Variants in EXT1 observed in about 807,000 individuals in gnomAD.
The protein encoded by EXT1 is exostosin glycosyltransferase 1.
In EXT1, 20 loss-of-function variants were observed where a neutral mutation model predicts 82.5. The observed-to-expected ratio is 0.24, with a 90% CI of 0.17 to 0.35. EXT1 has a LOEUF of 0.35. Among genes scored for constraint, EXT1 ranks in the 10% least tolerant of loss-of-function variants. The pLI is 1.00. For missense variants in EXT1, 757 were observed against 936.5 expected (o/e 0.81, Z 2.50); for synonymous variants, 348 against 350.8 (o/e 0.99, Z 0.09).
intron 1 of EXT1, among the ~76,000 whole-genome samples, chr8:117,929,825 C>T (rs1484147965): frequency 6.6e-6 from 1 of 152,128 alleles, no homozygotes; most frequent in Non-Finnish European, 1.5e-5. Flanking sequence ...AGTGTAAGAG[C>T]AGCCAGGCGT....
chr8:117,851,011 C>G (rs1812443477), intron 1 of EXT1, among the ~76,000 whole-genome samples: 1 of 152,204 alleles, frequency 6.6e-6, no homozygotes. Flanking sequence ...CTGTAACTCT[C>G]TAAGCTCAAA....
chr8:117,888,818 A>G (rs1813194095), intron 1 of EXT1, among the ~76,000 whole-genome samples: 2 of 152,172 alleles, frequency 1.3e-5, no homozygotes, highest in Non-Finnish European at 2.9e-5. Flanking sequence ...ACATGTTGTC[A>G]TTTAGCACTT....
intron 1 of EXT1, among the ~76,000 whole-genome samples, chr8:118,059,071 A>G (rs1816839886): frequency 6.6e-6 from 1 of 152,252 alleles, no homozygotes; most frequent in African/African-American, 2.4e-5. Flanking sequence ...AATTGCTGGT[A>G]CTATGCTGGG....
intron 4 of EXT1, 46 bp downstream of exon 4, chr8:117,830,184 A>G: frequency 2.5e-6 from 4 of 1,612,670 alleles, no homozygotes; most frequent in Non-Finnish European, 3.4e-6. Flanking sequence ...AGAGAAGTGT[A>G]TAAAGGACCA....
intron 1 of EXT1, among the ~76,000 whole-genome samples, chr8:117,940,860 T>C (rs1329523294): frequency 2.6e-5 from 4 of 152,278 alleles, no homozygotes; most frequent in East Asian, 3.9e-4. Context: ...CCTAGGCTGC[T>C]GGGATCTTGC....
At chr8:117,841,528 A>C (rs375015218) in intron 1 of EXT1, among the ~76,000 whole-genome samples, 4 of 152,214 alleles carry the variant, frequency 2.6e-5, no homozygotes, top group Non-Finnish European at 5.9e-5. Context: ...ACTTAAAAGA[A>C]ACATATGATA....
intron 1 of EXT1, among the ~76,000 whole-genome samples, chr8:117,900,919 G>C (rs953340295): frequency 6.6e-6 from 1 of 152,220 alleles, no homozygotes; most frequent in Admixed American, 6.5e-5. Flanking sequence ...CACATCTAGG[G>C]TTCAAGCACT....
chr8:117,811,182 G>A (rs766677935), intron 8 of EXT1, among the ~76,000 whole-genome samples: 1 of 152,132 alleles, frequency 6.6e-6, no homozygotes, highest in African/African-American at 2.4e-5. Context: ...GGACTCAGAT[G>A]GATATAGCCT....
intron 1 of EXT1, among the ~76,000 whole-genome samples, chr8:117,914,713 G>A (rs993766312): frequency 3.3e-5 from 5 of 152,104 alleles, no homozygotes; most frequent in African/African-American, 1.2e-4. Context: ...GACTTACTAG[G>A]GTGGGGAAAA....
intron 1 of EXT1, among the ~76,000 whole-genome samples, chr8:117,932,003 T>C (rs1814070030): frequency 6.6e-6 from 1 of 152,240 alleles, no homozygotes; most frequent in Non-Finnish European, 1.5e-5. Flanking sequence ...TTTATTTTTA[T>C]TGAAATGTAA....
At chr8:117,963,790 C>A (rs1266870312) in intron 1 of EXT1, among the ~76,000 whole-genome samples, 5 of 152,010 alleles carry the variant, frequency 3.3e-5, no homozygotes, top group Non-Finnish European at 2.9e-5. Flanking sequence ...GCACCCGGCC[C>A]CTATTGAGGT....
intron 1 of EXT1, among the ~76,000 whole-genome samples, chr8:117,897,860 C>CA (rs1398674578): frequency 6.6e-6 from 1 of 152,030 alleles, no homozygotes; most frequent in Non-Finnish European, 1.5e-5. Context: ...TCCTCAGCCT[C>CA]CCAAAACGGT....
intron 1 of EXT1, among the ~76,000 whole-genome samples, chr8:117,958,236 C>A (rs17430986): frequency 6.6e-6 from 1 of 151,938 alleles, no homozygotes; most frequent in Non-Finnish European, 1.5e-5. Context: ...TCTTTGTGAA[C>A]AACATTCATC....
intron 1 of EXT1, among the ~76,000 whole-genome samples, chr8:117,898,267 G>A (rs1290744935): frequency 1.3e-5 from 2 of 152,140 alleles, no homozygotes; most frequent in Non-Finnish European, 2.9e-5. Flanking sequence ...TTATTTCCTT[G>A]CTCTCAGAAG....
At chr8:118,034,863 G>A (rs1469235462) in intron 1 of EXT1, among the ~76,000 whole-genome samples, 5 of 152,140 alleles carry the variant, frequency 3.3e-5, no homozygotes, top group East Asian at 1.9e-4. Flanking sequence ...TGTACACAGA[G>A]GGTTACACTC....
At chr8:118,010,260 T>A (rs1318967361) in intron 1 of EXT1, among the ~76,000 whole-genome samples, 9 of 150,544 alleles carry the variant, frequency 6.0e-5, no homozygotes. Context: ...TAGTCCCAGC[T>A]ACTCGGGAGG....
chr8:117,949,375 G>A (rs1271415562), intron 1 of EXT1, among the ~76,000 whole-genome samples: 1 of 151,654 alleles, frequency 6.6e-6, no homozygotes, highest in Non-Finnish European at 1.5e-5. Flanking sequence ...ATATTTGAGA[G>A]CATTAAAAAA....
chr8:117,799,559 T>C lies in EXT1; in HGVS notation c.*153A>G. The C allele has an allele frequency of 1.2e-6, 1 of 847,460 alleles. No homozygotes were observed. The highest frequency in any genetic ancestry group is 1.9e-6 in the Non-Finnish European group (1 of 539,714). The allele number at this position is 847,460 out of a possible 1,614,324, so 52.5% of individuals were successfully genotyped here. ...GTCCCAGGAGCCAGGAGTTGAGTTCTCATTGGCCTTTTTTTTTTTGTCATT... is the reference window on the plus strand; with the variant it reads ...GTCCCAGGAGCCAGGAGTTGAGTTCCCATTGGCCTTTTTTTTTTTGTCATT... On this transcript the variant is annotated 3_prime_UTR_variant, in exon 11 of 11. Transcript: ENST00000378204.
intron 4 of EXT1, among the ~76,000 whole-genome samples, chr8:117,827,646 C>G (rs2129763624): frequency 6.6e-6 from 1 of 152,004 alleles, no homozygotes; most frequent in African/African-American, 2.4e-5. Flanking sequence ...GAAACCCCAT[C>G]TCCATGGCGC....
Sources: gnomAD v4.1 joint callset for allele counts (sites outside exome capture counted in the v4.1 genomes callset) on GRCh38, gnomAD v4.1.1 for gene constraint, MANE v1.5 for transcripts, NCBI Gene and HGNC (gene_info 2026-07-23, HGNC 2026-07-21) for gene names.